Variants in SMARCC1 observed in about 807,000 individuals in gnomAD.
The protein encoded by SMARCC1 is SWI/SNF complex subunit SMARCC1.
A neutral mutation model predicts 147.4 loss-of-function variants in SMARCC1; 43 were observed. The observed-to-expected ratio is 0.29, with a 90% confidence interval of 0.23 to 0.38. The LOEUF is 0.38. SMARCC1 is among the 10% of genes least tolerant of loss of function. SMARCC1 has a pLI of 1.00. For synonymous variants in SMARCC1, 495 were observed against 484.4 expected (o/e 1.02, Z -0.29); for missense variants, 1,119 against 1,381.1 (o/e 0.81, Z 3.01).
chr3:47,770,612 G>A lies in SMARCC1; in HGVS notation c.315+2205C>T, dbSNP rs193213579. Among the ~76,000 whole-genome samples the A allele has an allele frequency of 2.1e-3, 325 of 151,834 alleles. 2 individuals are homozygous for A. The highest frequency in any genetic ancestry group is 3.9e-3 in the Admixed American group (60 of 15,208). Reference sequence around the variant, plus strand: ...CACTGCAGCCTGGGCAACACAGCAAGACTTTGACTCCAAAAAAAAGATCAG... The same window carrying A: ...CACTGCAGCCTGGGCAACACAGCAAAACTTTGACTCCAAAAAAAAGATCAG... On this transcript the variant is annotated intron_variant, in intron 2 of 27. Transcript: ENST00000254480.
intron 26 of SMARCC1, among the ~76,000 whole-genome samples, chr3:47,604,992 C>T (rs913929925): frequency 3.3e-5 from 5 of 152,170 alleles, no homozygotes; most frequent in Admixed American, 6.5e-5. Flanking sequence ...TAAGCCACCG[C>T]GCCCAGCCTA....
rs146371919 is a variant in SMARCC1, at chr3:47,643,973, G to A, written c.2321-5193C>T. ...TGGAAGGCTGGTGTGGGAGGAATGC[G>A]GCCAGCAATTCAAGACCAGCCTGAG... On this transcript the variant is annotated intron_variant, in intron 21 of 27. Transcript: ENST00000254480. Among the ~76,000 whole-genome samples, 528 of 152,230 alleles carry A rather than the reference G, an allele frequency of 3.5e-3. 4 individuals are homozygous for A. Among genetic ancestry groups the A allele is most frequent in the African/African-American group, 0.012 (493 of 41,538 alleles).
intron 14 of SMARCC1, among the ~76,000 whole-genome samples, chr3:47,682,411 C>T (rs965963119): frequency 3.9e-5 from 6 of 151,990 alleles, no homozygotes; most frequent in Admixed American, 6.6e-5. Flanking sequence ...CCAGGATAGC[C>T]GGGACTACAG....
chr3:47,666,025 C>T (rs1399830970), intron 19 of SMARCC1, among the ~76,000 whole-genome samples: 2 of 152,092 alleles, frequency 1.3e-5, no homozygotes, highest in Admixed American at 6.6e-5. Context: ...TTACATAAAA[C>T]ACTCTTTCTC....
At position 47,701,307 on chromosome 3, in the gene SMARCC1, T is replaced by C. The variant is rs1327698259; in HGVS notation, c.1136A>G (p.Asn379Ser). Residue 379 changes from asparagine (N) to serine (S), a missense_variant, in exon 11 of 28, where the codon AAT becomes AGT. Physicochemically the swap from Asn to Ser is conservative, Grantham distance 46. This residue lies in a region of SMARCC1 where 542 missense variants were observed against 611.8 expected (regional missense o/e 0.89). Coordinates refer to ENST00000254480, the MANE Select transcript of SMARCC1 (RefSeq NM_003074.4). Reference protein sequence around the residue: ...KDMEDPTPVPNIEEVVLPKNV... With the variant: ...KDMEDPTPVPSIEEVVLPKNV... Reference sequence around the variant, plus strand: ...TTTGGGAAGTACTACTTCTTCTATATTGGGTACAGGTGTTGGGTCTTCCAT... The same window carrying C: ...TTTGGGAAGTACTACTTCTTCTATACTGGGTACAGGTGTTGGGTCTTCCAT... 2.5e-6 allele frequency: 4 copies of C among 1,613,240 alleles called. No individual in the cohort carries two copies. The highest frequency in any genetic ancestry group is 2.2e-5 in the East Asian group (1 of 44,874).
intron 9 of SMARCC1, among the ~76,000 whole-genome samples, chr3:47,709,143 C>A (rs1439385567): frequency 6.6e-6 from 1 of 151,808 alleles, no homozygotes; most frequent in Admixed American, 6.6e-5. Context: ...TGCCTGTAAT[C>A]CCAGGTACTT....
In SMARCC1 at chr3:47,676,628, C is replaced by T; in HGVS notation, c.1725+1G>A. 1 of 1,613,110 alleles carries T rather than the reference C, an allele frequency of 6.2e-7. No individual in the cohort carries two copies. The highest frequency in any genetic ancestry group is 1.3e-5 in the African/African-American group (1 of 74,946). ...CTGATGAAAAGTCAACATTAATTTA[C>T]CTGAGGTGATCGAAGATGCAGAGGC... is the stretch of plus-strand genomic sequence containing the variant. On this transcript the variant is annotated splice_donor_variant, in intron 17 of 27. Transcript: ENST00000254480. LOFTEE classifies it high-confidence loss of function.
chr3:47,674,786 G>T (rs1330523129), intron 18 of SMARCC1, among the ~76,000 whole-genome samples: 1 of 152,008 alleles, frequency 6.6e-6, no homozygotes, highest in Non-Finnish European at 1.5e-5. Flanking sequence ...CTTTTTATTT[G>T]TTCTGAAGTC....
intron 24 of SMARCC1, among the ~76,000 whole-genome samples, chr3:47,628,745 T>C (rs928305174): frequency 1.3e-5 from 2 of 152,118 alleles, no homozygotes; most frequent in African/African-American, 4.8e-5. Context: ...TTTGTATTTT[T>C]AGTAGACATG....
At chr3:47,734,038 TACAC>T (rs1362454271) in intron 5 of SMARCC1, among the ~76,000 whole-genome samples, 2 of 152,000 alleles carry the variant, frequency 1.3e-5, no homozygotes, top group African/African-American at 2.4e-5. Context: ...TATACAGACA[TACAC>T]ACACGTATGT....
At chr3:47,757,288 T>C (rs111679482) in intron 2 of SMARCC1, among the ~76,000 whole-genome samples, 1 of 152,068 alleles carries the variant, frequency 6.6e-6, no homozygotes, top group African/African-American at 2.4e-5. Context: ...GAAAGACCAA[T>C]GTGCAAATTT....
intron 26 of SMARCC1, among the ~76,000 whole-genome samples, chr3:47,594,035 T>G (rs761615860): frequency 6.6e-6 from 1 of 152,012 alleles, no homozygotes. Context: ...CTTAGTGGCA[T>G]GCACCTGTAA....
intron 2 of SMARCC1, among the ~76,000 whole-genome samples, chr3:47,765,597 T>C (rs1179641684): frequency 6.6e-6 from 1 of 152,172 alleles, no homozygotes; most frequent in East Asian, 1.9e-4. Flanking sequence ...TCACTTCAAA[T>C]ATATATACAA....
At chr3:47,607,748 T>C (rs2032499187) in intron 26 of SMARCC1, among the ~76,000 whole-genome samples, 1 of 152,088 alleles carries the variant, frequency 6.6e-6, no homozygotes, top group Non-Finnish European at 1.5e-5. Context: ...TGGGACAATT[T>C]TAGCATCAAA....
At chr3:47,747,486 A>ATAAATATAAATATAAATATAAATATAAAT (rs1185664403) in intron 2 of SMARCC1, among the ~76,000 whole-genome samples, 11 of 12,748 alleles carry the variant, frequency 8.6e-4, no homozygotes, top group Admixed American at 4.8e-3. Context: ...TAAATATAAA[A>ATAAATATAAATATAAATATAAATATAAAT]ATTAGCCAGG....
rs1447714828 is a variant in SMARCC1 at position 47,586,877 on chromosome 3, A to C, written c.*1332T>G. 1 of 152,572 alleles carries C rather than the reference A, an allele frequency of 6.6e-6. No individual in the cohort carries two copies. Among genetic ancestry groups the C allele is most frequent in the Non-Finnish European group, 1.5e-5 (1 of 68,038 alleles). The allele number at this position is 152,572 out of a possible 1,614,324, so 9.5% of individuals were successfully genotyped here. A position where few individuals can be genotyped will look rare whatever the true frequency, so the allele number is the denominator to read the frequency against. On this transcript the variant is annotated 3_prime_UTR_variant, in exon 28 of 28. Coordinates refer to ENST00000254480, the MANE Select transcript of SMARCC1 (RefSeq NM_003074.4). ...AAGTCACTTATCAGCAGGGGTAAAT[A>C]CGAGCTCAAATTAAGGCATTTTTGT...
intron 21 of SMARCC1, among the ~76,000 whole-genome samples, chr3:47,657,760 C>T (rs1277420522): frequency 2.0e-5 from 3 of 151,866 alleles, no homozygotes; most frequent in African/African-American, 7.3e-5. Flanking sequence ...TTGCAGTAAG[C>T]CAAGATCACA....
intron 1 of SMARCC1, among the ~76,000 whole-genome samples, chr3:47,778,283 TTTTTTG>T (rs1559671087): frequency 6.6e-6 from 1 of 151,890 alleles, no homozygotes; most frequent in East Asian, 1.9e-4. Context: ...AATCTGGTTT[TTTTTTG>T]TTTTTGTTTT....
At chr3:47,657,621 A>G (rs866941805) in intron 21 of SMARCC1, among the ~76,000 whole-genome samples, 4 of 152,200 alleles carry the variant, frequency 2.6e-5, no homozygotes, top group Middle Eastern at 6.8e-3. Flanking sequence ...CAACATAGTG[A>G]AACCCCATCT....
Sources: gnomAD v4.1 joint callset for allele counts (sites outside exome capture counted in the v4.1 genomes callset) on GRCh38, gnomAD v4.1.1 for gene constraint, gnomAD v4.1.1 regional missense constraint, MANE v1.5 for transcripts, NCBI Gene and HGNC (gene_info 2026-07-23, HGNC 2026-07-21) for gene names.